AFF3: variants seen among roughly 807,000 people sequenced by gnomAD.
The protein encoded by AFF3 is AF4/FMR2 family member 3.
In AFF3, 32 loss-of-function variants were observed where a neutral mutation model predicts 129.7. The observed-to-expected ratio is 0.25, with a 90% CI of 0.19 to 0.33. AFF3 has a LOEUF of 0.33. Ranked by LOEUF, AFF3 falls within the 10% of genes least tolerant of loss-of-function variation. The pLI is 1.00. For synonymous variants in AFF3, 644 were observed against 635.4 expected (o/e 1.01, Z -0.20); for missense variants, 1,373 against 1,592.0 (o/e 0.86, Z 2.34).
intron 11 of AFF3, among the ~76,000 whole-genome samples, chr2:99,675,893 T>C (rs746094121): frequency 2.0e-5 from 3 of 151,620 alleles, no homozygotes; most frequent in Non-Finnish European, 4.4e-5. Context: ...AAACAATAAA[T>C]AAACAAACAA....
At chr2:99,860,858 A>T (rs1690935558) in intron 7 of AFF3, among the ~76,000 whole-genome samples, 1 of 152,216 alleles carries the variant, frequency 6.6e-6, no homozygotes, top group Non-Finnish European at 1.5e-5. Flanking sequence ...GTCACTACCC[A>T]TAGTTATCAT....
At chr2:99,877,811 G>A (rs1692412893) in intron 7 of AFF3, among the ~76,000 whole-genome samples, 1 of 152,130 alleles carries the variant, frequency 6.6e-6, no homozygotes, top group Non-Finnish European at 1.5e-5. Context: ...CCAAAACAAA[G>A]TAATTCACAA....
chr2:100,141,660 T>G (rs190983341), intron 1 of AFF3, among the ~76,000 whole-genome samples: 83 of 152,344 alleles, frequency 5.4e-4, no homozygotes, highest in Middle Eastern at 3.4e-3. Flanking sequence ...ATTTCATTTT[T>G]ATATATGTGA....
chr2:99,980,094 C>G (rs1204092302), intron 7 of AFF3, among the ~76,000 whole-genome samples: 1 of 152,134 alleles, frequency 6.6e-6, no homozygotes, highest in Non-Finnish European at 1.5e-5. Context: ...TTTATAGCAC[C>G]ACTATTGTCA....
intron 4 of AFF3, among the ~76,000 whole-genome samples, chr2:100,074,781 G>C (rs986519123): frequency 1.1e-4 from 17 of 152,112 alleles, no homozygotes; most frequent in Non-Finnish European, 1.9e-4. Flanking sequence ...AGAGATAATG[G>C]ACAAAGCCCC....
At chr2:99,623,277 G>A (rs138318550) in intron 13 of AFF3, among the ~76,000 whole-genome samples, 151 of 151,774 alleles carry the variant, frequency 9.9e-4, no homozygotes, top group African/African-American at 3.4e-3. Flanking sequence ...ATGCAAATGA[G>A]AGCCCCTTGT....
chr2:99,756,758 T>C (rs1294638478), intron 8 of AFF3, among the ~76,000 whole-genome samples: 2 of 152,250 alleles, frequency 1.3e-5, no homozygotes, highest in African/African-American at 2.4e-5. Context: ...TTATACTTGC[T>C]GTTTTGACAT....
intron 7 of AFF3, among the ~76,000 whole-genome samples, chr2:99,839,173 G>A (rs369840625): frequency 6.6e-6 from 1 of 151,956 alleles, no homozygotes; most frequent in African/African-American, 2.4e-5. Context: ...GCAATGGCGC[G>A]ACCTTGGATT....
At chr2:100,010,866 T>TGAG (rs1159360056) in intron 4 of AFF3, among the ~76,000 whole-genome samples, 1 of 152,204 alleles carries the variant, frequency 6.6e-6, no homozygotes, top group African/African-American at 2.4e-5. Context: ...GAGACTGCTC[T>TGAG]GAGGATATAT....
chr2:99,793,709 C>A (rs1685365882), intron 8 of AFF3, among the ~76,000 whole-genome samples: 2 of 152,066 alleles, frequency 1.3e-5, no homozygotes, highest in Non-Finnish European at 2.9e-5. Flanking sequence ...TTTTATTGAT[C>A]TTTTCAAAGG....
intron 8 of AFF3, among the ~76,000 whole-genome samples, chr2:99,787,260 G>A (rs972282839): frequency 6.6e-6 from 1 of 152,018 alleles, no homozygotes; most frequent in Non-Finnish European, 1.5e-5. Flanking sequence ...CCGCAAACTC[G>A]ACTCTTTAAA....
chr2:99,867,430 C>A (rs1691501224), intron 7 of AFF3, among the ~76,000 whole-genome samples: 1 of 151,958 alleles, frequency 6.6e-6, no homozygotes, highest in African/African-American at 2.4e-5. Context: ...GGAGTTTCAG[C>A]TTGTATTACG....
chr2:99,762,125 C>CTTT (rs113479774), intron 8 of AFF3, among the ~76,000 whole-genome samples: 4 of 138,160 alleles, frequency 2.9e-5, no homozygotes, highest in Non-Finnish European at 3.1e-5. Flanking sequence ...ATCAATGCCA[C>CTTT]TTTTTTTTTT....
chr2:100,039,452 C>G (rs982006851), intron 4 of AFF3, among the ~76,000 whole-genome samples: 2 of 151,998 alleles, frequency 1.3e-5, no homozygotes, highest in Non-Finnish European at 2.9e-5. Flanking sequence ...CTGCTACTTG[C>G]GAGGCTGAGG....
At chr2:99,885,156 T>C (rs980326403) in intron 7 of AFF3, among the ~76,000 whole-genome samples, 4 of 152,210 alleles carry the variant, frequency 2.6e-5, no homozygotes, top group Non-Finnish European at 4.4e-5. Context: ...TCTGGCTCAT[T>C]TGGGCAATTT....
At chr2:99,609,370 T>C (rs1680695193) in intron 13 of AFF3, among the ~76,000 whole-genome samples, 1 of 152,086 alleles carries the variant, frequency 6.6e-6, no homozygotes, top group South Asian at 2.1e-4. Flanking sequence ...TAGTCTTTGA[T>C]CCCTCACTCC....
At chr2:99,896,337 T>A (rs536537095) in intron 7 of AFF3, among the ~76,000 whole-genome samples, 62 of 152,112 alleles carry the variant, frequency 4.1e-4, no homozygotes, top group African/African-American at 1.3e-3. Flanking sequence ...AGCTTCCCCA[T>A]CTAAAGACTC....
At chr2:99,670,604 GA>G (rs1687070146) in intron 12 of AFF3, among the ~76,000 whole-genome samples, 1 of 151,910 alleles carries the variant, frequency 6.6e-6, no homozygotes, top group Non-Finnish European at 1.5e-5. Context: ...GTTTGGTCTT[GA>G]AGAGAAAAAA....
chr2:99,601,699 C>G (rs944747048), intron 13 of AFF3, 78 bp from the exon 14 acceptor site: 202 of 1,508,378 alleles, frequency 1.3e-4, no homozygotes, highest in Middle Eastern at 1.2e-3. Context: ...ACCAAGCTGT[C>G]ATGCACCCTA....
Sources: allele counts gnomAD v4.1 joint callset (sites outside exome capture counted in the v4.1 genomes callset), GRCh38; gene constraint gnomAD v4.1.1; transcripts MANE v1.5; gene names NCBI Gene and HGNC (gene_info 2026-07-23, HGNC 2026-07-21).